The following C3 variants were observed in gnomAD, a reference collection of about 807,000 sequenced individuals.
The protein encoded by C3 is complement C3.
C3 carries 97 observed loss-of-function variants against 207.9 expected under a neutral mutation model. The ratio of observed to expected loss-of-function variants is 0.47; its 90% CI spans 0.40 to 0.55. The LOEUF is 0.55. Ranked by LOEUF, C3 falls within the 20% of genes least tolerant of loss-of-function variation. The pLI, the probability that C3 is intolerant of heterozygous loss-of-function variation, is 0.00. For missense variants in C3, 1,684 were observed against 2,171.7 expected, an observed-to-expected ratio of 0.78 and a Z score of 4.46; for synonymous variants, 848 against 857.6, an observed-to-expected ratio of 0.99 and a Z score of 0.20.
chr19:6,681,231 CTT>C (rs929120011), intron 35 of C3, among the ~76,000 whole-genome samples: 4 of 138,168 alleles, frequency 2.9e-5, no homozygotes, highest in Admixed American at 7.6e-5. Flanking sequence ...TATCTACAAA[CTT>C]TTTTTTTTTT....
At chr19:6,712,007 T>C (rs1434219237) in intron 11 of C3, among the ~76,000 whole-genome samples, 1 of 152,040 alleles carries the variant, frequency 6.6e-6, no homozygotes, top group African/African-American at 2.4e-5. Context: ...GACCCCACTG[T>C]GCAGGACAGA....
Position 6,696,677 on chromosome 19 carries a change from TGGG to T in C3, c.2797-21_2797-19del, listed in dbSNP as rs757588860. On this transcript the variant is annotated intron_variant, in intron 21 of 40. Coordinates refer to ENST00000245907, the MANE Select transcript of C3 (RefSeq NM_000064.4). ...CCTTCCGGCTACGCAGTGTTAGAGGTGGGGGGAGTCGTTGGATGAATAAAAGAA... is the reference window on the plus strand; with the variant it reads ...CCTTCCGGCTACGCAGTGTTAGAGGTGGGAGTCGTTGGATGAATAAAAGAA... 1 of 1,610,158 alleles carries T rather than the reference TGGG, an allele frequency of 6.2e-7. No individual in the cohort carries two copies.
chr19:6,710,680 C>T lies in C3; in HGVS notation c.1645G>A (p.Asp549Asn), dbSNP rs1449441916. The stretch of plus-strand genomic sequence containing the variant: ...TCCTTGACGTCCACCCACACGGAGT[C>T]GGCCACCACCTCCCTCTGGCCGCTG... ...GASGQREVVADSVWVDVKDSC... is the reference protein window; with the variant it reads ...GASGQREVVANSVWVDVKDSC... The change falls in exon 13 of 41, where the codon GAC (aspartate) becomes AAC (asparagine). Residue 549 changes from aspartate (D) to asparagine (N), a missense_variant. This residue lies in a region of C3 where 1,280 missense variants were observed against 1,739.1 expected (regional missense o/e 0.74). Transcript: ENST00000245907. The T allele has an allele frequency of 3.1e-6, 5 of 1,613,400 alleles. No homozygotes were observed. Among genetic ancestry groups the T allele is most frequent in the Non-Finnish European group, 3.4e-6 (4 of 1,179,886 alleles).
intron 17 of C3, among the ~76,000 whole-genome samples, chr19:6,703,068 G>A (rs999379239): frequency 6.6e-6 from 1 of 151,862 alleles, no homozygotes; most frequent in East Asian, 1.9e-4. Context: ...AAAGAGAGCC[G>A]ACCTACTTCC....
At chr19:6,685,766 A>C (rs1233306589) in intron 29 of C3, among the ~76,000 whole-genome samples, 1 of 152,168 alleles carries the variant, frequency 6.6e-6, no homozygotes, top group Non-Finnish European at 1.5e-5. Flanking sequence ...AGAACTGGGA[A>C]CATGGTCTAG....
At chr19:6,709,357 A>T (rs1377875424) in intron 14 of C3, among the ~76,000 whole-genome samples, 1 of 152,186 alleles carries the variant, frequency 6.6e-6, no homozygotes, top group African/African-American at 2.4e-5. Context: ...CTGAGGCAGG[A>T]GAATCGCTTG....
At chr19:6,695,468 TTTTGTTTG>T (rs913245068) in intron 23 of C3, among the ~76,000 whole-genome samples, 1 of 152,016 alleles carries the variant, frequency 6.6e-6, no homozygotes, top group Non-Finnish European at 1.5e-5. Context: ...TTGCTTGTCT[TTTTGTTTG>T]TTTGTTTGTT....
At position 6,699,086 on chromosome 19, in the gene C3, G is replaced by A. The variant is rs555836120; in HGVS notation, c.2441-1292C>T. 4.6e-5 allele frequency among the ~76,000 whole-genome samples: 7 copies of A among 152,178 alleles called. No individual in the cohort carries two copies. In the East Asian group the frequency reaches 7.7e-4, roughly 17 times the overall value. ...GCTGGGATTACAGGTGTGAGCCACC[G>A]TGCCCGACCTGAGTTGTACATTTTA... is the stretch of plus-strand genomic sequence containing the variant. On this transcript the variant is annotated intron_variant, in intron 19 of 40. Transcript: ENST00000245907.
intron 19 of C3, among the ~76,000 whole-genome samples, chr19:6,701,100 G>A (rs1014055267): frequency 5.3e-5 from 8 of 151,986 alleles, no homozygotes; most frequent in Admixed American, 2.0e-4. Flanking sequence ...GGCAGTCAGC[G>A]AAAAGGACGA....
chr19:6,681,582 C>A (rs1276953553), intron 35 of C3, among the ~76,000 whole-genome samples: 1 of 151,398 alleles, frequency 6.6e-6, no homozygotes, highest in East Asian at 1.9e-4. Context: ...AGAAATAGAT[C>A]AAAGAAAGAA....
chr19:6,699,656 AAAAG>A (rs1483972888), intron 19 of C3, among the ~76,000 whole-genome samples: 3 of 152,004 alleles, frequency 2.0e-5, no homozygotes, highest in Non-Finnish European at 4.4e-5. Flanking sequence ...TCAAAAAAAA[AAAAG>A]AAAGAAAATC....
At chr19:6,681,601 C>A (rs993007411) in intron 35 of C3, among the ~76,000 whole-genome samples, 1 of 151,546 alleles carries the variant, frequency 6.6e-6, no homozygotes, top group East Asian at 1.9e-4. Flanking sequence ...AAACAAAGCC[C>A]AGGATTGGGT....
chr19:6,681,387 G>A (rs1917856954), intron 35 of C3, among the ~76,000 whole-genome samples: 1 of 136,386 alleles, frequency 7.3e-6, no homozygotes, highest in South Asian at 2.5e-4. Flanking sequence ...TAATATTTAT[G>A]AAAAAAAAAT....
chr19:6,714,399 G>C lies in C3; in HGVS notation c.552C>G (p.Asn184Lys). ...AAGACAAGGGCAAGACGCCAAGCTG[G>C]TTCTGAGAAGACAAGGAGTCCTGCT... is the stretch of plus-strand genomic sequence containing the variant. The part of the protein sequence containing the change: ...PVKQDSLSSQ[N>K]QLGVLPLSWD... The change falls in exon 5 of 41, where the codon AAC becomes AAG. Residue 184 changes from asparagine (N) to lysine (K), a missense_variant. Coordinates refer to ENST00000245907, the MANE Select transcript of C3 (RefSeq NM_000064.4). 1 of 1,613,882 alleles carries C rather than the reference G, an allele frequency of 6.2e-7. No homozygotes were observed. Among genetic ancestry groups the C allele is most frequent in the Non-Finnish European group, 8.5e-7 (1 of 1,180,014 alleles).
rs1320156906 is a variant in C3 at position 6,685,974 on chromosome 19, A to G, written c.3810+150T>C. ...AGAACCTATAGATGGGTTTGCAAGT[A>G]ATAAAAACTGATTCTCAACTCCACT... On this transcript the variant is annotated intron_variant, in intron 29 of 40. Transcript: ENST00000245907. The G allele has an allele frequency of 3.6e-6, 3 of 830,092 alleles. No homozygotes were observed. In the East Asian group the frequency reaches 7.3e-5, roughly 20 times the overall value. The allele number at this position is 830,092 out of a possible 1,614,324, so 51.4% of individuals were successfully genotyped here. A position where few individuals can be genotyped will look rare whatever the true frequency, so the allele number is the denominator to read the frequency against.
chr19:6,711,638 C>T (rs1201019823), intron 11 of C3, among the ~76,000 whole-genome samples: 1 of 152,168 alleles, frequency 6.6e-6, no homozygotes, highest in Admixed American at 6.5e-5. Context: ...ATGGTAGCCA[C>T]CGGAAATTCA....
At chr19:6,718,460 C>T in intron 2 of C3, 48 bp from the exon 3 acceptor site, 1 of 1,607,542 alleles carries the variant, frequency 6.2e-7, no homozygotes, top group East Asian at 2.2e-5. Flanking sequence ...AGGCCCCATG[C>T]CCACGGTCCA....
intron 20 of C3, 36 bp downstream of exon 20, chr19:6,697,616 C>T (rs771008181): frequency 5.0e-6 from 8 of 1,613,878 alleles, no homozygotes; most frequent in Non-Finnish European, 2.5e-6. Context: ...TACCCCCTGG[C>T]AGCCTCCAAG....
At chr19:6,697,936 G>A in intron 19 of C3, 142 bp from the exon 20 acceptor site, 1 of 693,252 alleles carries the variant, frequency 1.4e-6, no homozygotes, top group South Asian at 1.7e-5. Flanking sequence ...ACTAAACGCT[G>A]TCAATGGCGA....
Sources: gnomAD v4.1 joint callset for allele counts (sites outside exome capture counted in the v4.1 genomes callset) on GRCh38, gnomAD v4.1.1 for gene constraint, gnomAD v4.1.1 regional missense constraint, MANE v1.5 for transcripts, NCBI Gene and HGNC (gene_info 2026-07-23, HGNC 2026-07-21) for gene names.